ULK4: variants seen among roughly 807,000 people sequenced by gnomAD.
ULK4 encodes the protein unc-51 like kinase 4, also known as inactive serine/threonine-protein kinase ULK4.
In ULK4, 133 loss-of-function variants were observed where a neutral mutation model predicts 160.6. The ratio of observed to expected loss-of-function variants is 0.83; its 90% confidence interval spans 0.72 to 0.96. The LOEUF (loss-of-function observed/expected upper bound fraction) is 0.96, where lower values mean the gene tolerates loss of function less well. Ranked by LOEUF, ULK4 falls within the 40% of genes least tolerant of loss-of-function variation. ULK4 has a pLI of 0.00. For missense variants in ULK4, 1,580 were observed against 1,499.5 expected (o/e 1.05, Z -0.89); for synonymous variants, 534 against 539.8 (o/e 0.99, Z 0.15).
intron 5 of ULK4, among the ~76,000 whole-genome samples, chr3:41,929,243 CAT>C (rs1434313081): frequency 4.6e-5 from 7 of 152,258 alleles, no homozygotes; most frequent in South Asian, 4.1e-4. Flanking sequence ...CAAAAAACCA[CAT>C]GATTATCTCA....
chr3:41,572,659 A>G (rs1394547869), intron 31 of ULK4, among the ~76,000 whole-genome samples: 1 of 150,864 alleles, frequency 6.6e-6, no homozygotes, highest in Non-Finnish European at 1.5e-5. Flanking sequence ...CCAGCTACTG[A>G]GGAGGCTGAG....
intron 32 of ULK4, among the ~76,000 whole-genome samples, chr3:41,495,181 T>C (rs1401599303): frequency 6.6e-6 from 1 of 151,910 alleles, no homozygotes; most frequent in East Asian, 1.9e-4. Flanking sequence ...CTTCAAACTA[T>C]ACAAGGCTAC....
chr3:41,315,781 C>T (rs888309791), intron 35 of ULK4, among the ~76,000 whole-genome samples: 5 of 152,146 alleles, frequency 3.3e-5, no homozygotes, highest in Non-Finnish European at 7.4e-5. Context: ...CACATGAAAA[C>T]ATAGATGCTC....
At chr3:41,303,360 C>T (rs533067659) in intron 35 of ULK4, among the ~76,000 whole-genome samples, 6 of 152,250 alleles carry the variant, frequency 3.9e-5, no homozygotes, top group Middle Eastern at 3.4e-3. Flanking sequence ...TTCTAGTTCA[C>T]GCTAGAGTAT....
In ULK4 at chr3:41,805,025, C is replaced by A. The variant is rs192826595; in HGVS notation, c.1849-4732G>T. ...TTTTTTCAAATTCTGTGAAGAAAGT[C>A]ATTGGTAGCTTGATGGGTATGGCGT... On this transcript the variant is annotated intron_variant, in intron 19 of 36. Coordinates refer to ENST00000301831, the MANE Select transcript of ULK4 (RefSeq NM_017886.4). Among the ~76,000 whole-genome samples the A allele has an allele frequency of 2.4e-4, 37 of 152,286 alleles. No individual in the cohort carries two copies. In the East Asian group the frequency reaches 6.4e-3, roughly 26 times the overall value.
At chr3:41,535,257 A>C (rs2086458938) in intron 32 of ULK4, among the ~76,000 whole-genome samples, 1 of 152,128 alleles carries the variant, frequency 6.6e-6, no homozygotes, top group South Asian at 2.1e-4. Flanking sequence ...TGTCGCAGCT[A>C]TTACACGGAG....
At chr3:41,916,164 A>G in intron 7 of ULK4, 112 bp from the exon 8 acceptor site, 4 of 646,624 alleles carry the variant, frequency 6.2e-6, no homozygotes, top group Non-Finnish European at 1.0e-5. Context: ...CACATACATT[A>G]TTATTAAGAG....
chr3:41,640,789 A>G (rs2034152627), intron 30 of ULK4, among the ~76,000 whole-genome samples: 1 of 152,188 alleles, frequency 6.6e-6, no homozygotes, highest in Admixed American at 6.5e-5. Flanking sequence ...TAATCCAACG[A>G]TATATACAAC....
intron 32 of ULK4, among the ~76,000 whole-genome samples, chr3:41,500,600 T>C (rs543629655): frequency 7.2e-5 from 11 of 152,254 alleles, no homozygotes; most frequent in African/African-American, 2.6e-4. Context: ...CGAAGCCAAG[T>C]TGGAAATTCC....
chr3:41,263,091 T>C (rs1013977945), intron 35 of ULK4, among the ~76,000 whole-genome samples: 1 of 152,216 alleles, frequency 6.6e-6, no homozygotes, highest in Non-Finnish European at 1.5e-5. Context: ...TCTAAGGCAC[T>C]GGCATGAGGA....
intron 32 of ULK4, among the ~76,000 whole-genome samples, chr3:41,489,398 C>G (rs924672281): frequency 6.6e-6 from 1 of 152,128 alleles, no homozygotes; most frequent in Non-Finnish European, 1.5e-5. Context: ...TAATGAGGTC[C>G]TCAGAAGACT....
At chr3:41,859,707 G>C (rs2042452462) in intron 17 of ULK4, 1 of 364,656 alleles carries the variant, frequency 2.7e-6, no homozygotes, top group Non-Finnish European at 5.3e-6. Flanking sequence ...ACCCAGGCTG[G>C]AGTGCAGTGG....
intron 32 of ULK4, among the ~76,000 whole-genome samples, chr3:41,466,141 C>T (rs1245385367): frequency 6.6e-6 from 1 of 152,124 alleles, no homozygotes; most frequent in Non-Finnish European, 1.5e-5. Flanking sequence ...CTTGCTTCTG[C>T]TATAATAATG....
intron 18 of ULK4, among the ~76,000 whole-genome samples, chr3:41,830,797 A>T (rs926178844): frequency 6.6e-6 from 1 of 151,980 alleles, no homozygotes; most frequent in Admixed American, 6.6e-5. Flanking sequence ...GACAATTGAA[A>T]GCATGGGATA....
intron 31 of ULK4, among the ~76,000 whole-genome samples, chr3:41,604,995 C>A (rs906161329): frequency 2.0e-5 from 3 of 152,040 alleles, no homozygotes; most frequent in Non-Finnish European, 4.4e-5. Flanking sequence ...GTGATGTGAG[C>A]TGTTAAAATT....
intron 34 of ULK4, among the ~76,000 whole-genome samples, chr3:41,454,177 T>TA (rs776400442): frequency 0.023 from 2,987 of 129,934 alleles, 94 homozygotes; most frequent in African/African-American, 0.072. Flanking sequence ...AAAGTATAAT[T>TA]AAAAAAAAAA....
At chr3:41,683,573 C>T (rs1008680907) in intron 27 of ULK4, among the ~76,000 whole-genome samples, 4 of 151,576 alleles carry the variant, frequency 2.6e-5, no homozygotes, top group Non-Finnish European at 5.9e-5. Context: ...CCAGACAATG[C>T]TTTTCCTTCC....
At chr3:41,750,527 G>A (rs1189609773) in intron 22 of ULK4, among the ~76,000 whole-genome samples, 1 of 152,010 alleles carries the variant, frequency 6.6e-6, no homozygotes, top group Non-Finnish European at 1.5e-5. Context: ...GCTCTGAATG[G>A]TTTAATGTAC....
At chr3:41,802,243 A>C (rs2040483937) in intron 19 of ULK4, among the ~76,000 whole-genome samples, 1 of 152,206 alleles carries the variant, frequency 6.6e-6, no homozygotes, top group Non-Finnish European at 1.5e-5. Context: ...ATATGTGAAT[A>C]AATATAATAG....
Sources: gnomAD v4.1 joint callset for allele counts (sites outside exome capture counted in the v4.1 genomes callset) on GRCh38, gnomAD v4.1.1 for gene constraint, MANE v1.5 for transcripts, NCBI Gene and HGNC (gene_info 2026-07-23, HGNC 2026-07-21) for gene names.